CRB1: variants seen among roughly 807,000 people sequenced by gnomAD.
CRB1 encodes the protein crumbs cell polarity complex component 1.
A neutral mutation model predicts 120.0 loss-of-function variants in CRB1; 83 were observed. That is an observed-to-expected ratio of 0.69 (90% confidence interval 0.58 to 0.83). The LOEUF (loss-of-function observed/expected upper bound fraction) is 0.83. Among genes scored for constraint, CRB1 ranks in the 40% least tolerant of loss-of-function variants. The pLI, the probability that CRB1 is intolerant of heterozygous loss-of-function variation, is 0.00. For synonymous variants in CRB1, 625 were observed against 612.5 expected, an observed-to-expected ratio of 1.02 and a Z score of -0.30; for missense variants, 1,699 against 1,687.6, an observed-to-expected ratio of 1.01 and a Z score of -0.12.
At chr1:197,357,539 A>G in intron 5 of CRB1, 1 of 198,356 alleles carries the variant, frequency 5.0e-6, no homozygotes, top group East Asian at 1.2e-4. Context: ...ATGTTATCCA[A>G]TGAACAGTTT....
intron 5 of CRB1, among the ~76,000 whole-genome samples, chr1:197,395,139 GC>G (rs1278844570): frequency 6.6e-6 from 1 of 152,082 alleles, no homozygotes; most frequent in African/African-American, 2.4e-5. Flanking sequence ...AAATACAGCT[GC>G]TAATGGATGT....
At chr1:197,423,848 C>A (rs924981139) in intron 6 of CRB1, among the ~76,000 whole-genome samples, 2 of 152,052 alleles carry the variant, frequency 1.3e-5, no homozygotes, top group Non-Finnish European at 2.9e-5. Context: ...CAAGGTTGAT[C>A]TTTTTTAAAT....
intron 5 of CRB1, among the ~76,000 whole-genome samples, chr1:197,398,896 G>C (rs919234564): frequency 2.1e-5 from 2 of 96,768 alleles, no homozygotes; most frequent in Admixed American, 1.3e-4. Context: ...AAATGATTGT[G>C]TGTGTGTGTG....
intron 11 of CRB1, among the ~76,000 whole-genome samples, chr1:197,458,728 A>G (rs758462579): frequency 2.0e-5 from 3 of 152,174 alleles, no homozygotes; most frequent in Non-Finnish European, 4.4e-5. Context: ...TGGGTAGTAC[A>G]CAGGGAGAGA....
intron 11 of CRB1, among the ~76,000 whole-genome samples, chr1:197,459,115 G>C (rs1254576613): frequency 4.6e-5 from 7 of 152,082 alleles, no homozygotes; most frequent in African/African-American, 1.7e-4. Flanking sequence ...GATTTTAATA[G>C]ATAAAGAATG....
intron 1 of CRB1, among the ~76,000 whole-genome samples, chr1:197,327,074 A>T (rs1204538666): frequency 6.9e-6 from 1 of 144,892 alleles, no homozygotes. Flanking sequence ...AAATTTAGTG[A>T]CTTAATTCTC....
intron 11 of CRB1, among the ~76,000 whole-genome samples, chr1:197,476,158 C>T (rs1371113929): frequency 1.3e-5 from 2 of 152,032 alleles, no homozygotes; most frequent in African/African-American, 2.4e-5. Context: ...GATCTGCCCA[C>T]CTCAGCTTCC....
At chr1:197,353,814 TA>T (rs57274486) in intron 4 of CRB1, among the ~76,000 whole-genome samples, 27,232 of 90,396 alleles carry the variant, frequency 0.3, 2,796 homozygotes, top group East Asian at 0.47. Context: ...AATATATAAA[TA>T]AAAAAAAAAA....
rs1664308776 is a variant in CRB1, at chr1:197,421,423, T to C, written c.1595T>C (p.Phe532Ser). The C allele has an allele frequency of 1.2e-6, 2 of 1,614,106 alleles. No individual in the cohort carries two copies. Among genetic ancestry groups the C allele is most frequent in the African/African-American group, 2.7e-5 (2 of 74,928 alleles). ...LLLFRSNRDV[F>S]VKLELLSGYI... ...CTTTTCCGAAGCAACAGGGATGTGT[T>C]TGTGAAGCTGGAGCTGCTAAGTGGC... The change falls in exon 6 of 12, where the codon TTT becomes TCT. Residue 532 changes from phenylalanine to serine, a missense_variant. Coordinates refer to ENST00000367400, the MANE Select transcript of CRB1 (RefSeq NM_201253.3).
chr1:197,461,774 C>T (rs1471240840), intron 11 of CRB1, among the ~76,000 whole-genome samples: 1 of 152,140 alleles, frequency 6.6e-6, no homozygotes, highest in Non-Finnish European at 1.5e-5. Flanking sequence ...CAATCCAAGT[C>T]GCACCTGGAT....
At chr1:197,437,174 G>A (rs532784521) in intron 9 of CRB1, among the ~76,000 whole-genome samples, 1 of 152,214 alleles carries the variant, frequency 6.6e-6, no homozygotes, top group South Asian at 2.1e-4. Context: ...CCTGGAATGG[G>A]TTGGCAGCCT....
At chr1:197,203,444 G>A in the CRB1 span, among the ~76,000 whole-genome samples, 1 of 152,006 alleles carries the variant, frequency 6.6e-6, no homozygotes, top group Non-Finnish European at 1.5e-5. Flanking sequence ...CTCAGCCTCA[G>A]CCTCCCGAGT....
intron 2 of CRB1, among the ~76,000 whole-genome samples, chr1:197,337,837 G>A (rs547299696): frequency 2.4e-4 from 37 of 151,986 alleles, no homozygotes; most frequent in African/African-American, 8.4e-4. Flanking sequence ...GTGTAGGCAA[G>A]AATTCAACTT....
intron 2 of CRB1, among the ~76,000 whole-genome samples, chr1:197,333,497 C>T (rs567362781): frequency 1.3e-5 from 2 of 152,236 alleles, no homozygotes; most frequent in East Asian, 1.9e-4. Context: ...ATTCAGATGC[C>T]TGCAGTATGA....
chr1:197,427,364 A>C, intron 6 of CRB1, 90 bp from the exon 7 acceptor site: 1 of 1,002,884 alleles, frequency 1.0e-6, no homozygotes, highest in Non-Finnish European at 1.6e-6. Flanking sequence ...TGTGTGTGAA[A>C]TGTATAATTT....
At chr1:197,246,559 T>C in the CRB1 span, among the ~76,000 whole-genome samples, 1 of 152,016 alleles carries the variant, frequency 6.6e-6, no homozygotes, top group African/African-American at 2.4e-5. Flanking sequence ...GCATATAAAA[T>C]GTCCAAGGTT....
intron 1 of CRB1, among the ~76,000 whole-genome samples, chr1:197,320,197 C>T (rs2125289085): frequency 6.6e-6 from 1 of 152,072 alleles, no homozygotes; most frequent in East Asian, 1.9e-4. Context: ...ATAAATAGTC[C>T]TCGTGAGAAA....
chr1:197,403,547 A>G (rs990671591), intron 5 of CRB1, among the ~76,000 whole-genome samples: 2 of 152,182 alleles, frequency 1.3e-5, no homozygotes, highest in Non-Finnish European at 2.9e-5. Flanking sequence ...GTAAAGCTGA[A>G]ACTTTGACCA....
chr1:197,211,168 A>G, the CRB1 span, among the ~76,000 whole-genome samples: 1 of 152,304 alleles, frequency 6.6e-6, no homozygotes, highest in Admixed American at 6.5e-5. Context: ...TTTAGTGTTT[A>G]TCCCACTTTC....
Sources: gnomAD v4.1 joint callset for allele counts (sites outside exome capture counted in the v4.1 genomes callset) on GRCh38, gnomAD v4.1.1 for gene constraint, MANE v1.5 for transcripts, NCBI Gene and HGNC (gene_info 2026-07-23, HGNC 2026-07-21) for gene names.